The following ATP8A2 variants were observed in gnomAD, a reference collection of about 807,000 sequenced individuals.
The protein encoded by ATP8A2 is phospholipid-transporting ATPase IB.
A neutral mutation model predicts 165.6 loss-of-function variants in ATP8A2; 100 were observed. The observed-to-expected ratio is 0.60, with a 90% CI of 0.51 to 0.71. The LOEUF is 0.71. Among genes scored for constraint, ATP8A2 ranks in the 30% least tolerant of loss-of-function variants. The probability of loss-of-function intolerance (pLI) is 0.00; values close to 1 mark genes in which losing one functional copy is unlikely to be tolerated. For synonymous variants in ATP8A2, 543 were observed against 548.8 expected (o/e 0.99, Z 0.15); for missense variants, 1,227 against 1,479.5 (o/e 0.83, Z 2.80).
At chr13:25,586,644 G>A (rs576429234) in intron 23 of ATP8A2, among the ~76,000 whole-genome samples, 2 of 152,204 alleles carry the variant, frequency 1.3e-5, no homozygotes, top group Admixed American at 6.5e-5. Context: ...AAGCTATTGA[G>A]AACCAGTAAC....
intron 2 of ATP8A2, among the ~76,000 whole-genome samples, chr13:25,500,417 T>C (rs2036818171): frequency 6.6e-6 from 1 of 152,242 alleles, no homozygotes; most frequent in African/African-American, 2.4e-5. Flanking sequence ...AGGTTTTAAA[T>C]GTCTTAGTCA....
chr13:25,797,877 A>G (rs1336572187), intron 27 of ATP8A2, among the ~76,000 whole-genome samples: 2 of 152,088 alleles, frequency 1.3e-5, no homozygotes, highest in African/African-American at 4.8e-5. Context: ...GAAGGGAGAA[A>G]TTGTATAGAA....
intron 1 of ATP8A2, among the ~76,000 whole-genome samples, chr13:25,379,037 C>A (rs1327746722): frequency 1.3e-5 from 2 of 152,136 alleles, no homozygotes; most frequent in Non-Finnish European, 2.9e-5. Flanking sequence ...AGAAATACTC[C>A]AGATAGGAGA....
chr13:25,890,225 C>T (rs557395524), intron 33 of ATP8A2, among the ~76,000 whole-genome samples: 1 of 152,134 alleles, frequency 6.6e-6, no homozygotes, highest in Non-Finnish European at 1.5e-5. Context: ...ACCAAGGTTT[C>T]AATTCCAGCT....
intron 1 of ATP8A2, among the ~76,000 whole-genome samples, chr13:25,386,960 G>A (rs1447651421): frequency 8.8e-6 from 1 of 113,082 alleles, no homozygotes; most frequent in Non-Finnish European, 2.2e-5. Context: ...TCGCGCCCTT[G>A]CACTCCAGCC....
At chr13:25,660,827 T>A (rs116262985) in intron 24 of ATP8A2, among the ~76,000 whole-genome samples, 352 of 152,316 alleles carry the variant, frequency 2.3e-3, no homozygotes, top group African/African-American at 8.0e-3. Flanking sequence ...GAAATGCTGC[T>A]ACTGGGGATC....
chr13:25,513,865 G>A (rs190429046), intron 2 of ATP8A2, among the ~76,000 whole-genome samples: 1 of 152,280 alleles, frequency 6.6e-6, no homozygotes, highest in Non-Finnish European at 1.5e-5. Context: ...GCTGAGGCAG[G>A]ACAATCAGTC....
At chr13:25,910,685 G>C (rs1338785057) in intron 33 of ATP8A2, among the ~76,000 whole-genome samples, 2 of 152,128 alleles carry the variant, frequency 1.3e-5, no homozygotes, top group Admixed American at 6.6e-5. Flanking sequence ...TTGTTTTCCA[G>C]TTAGGAAAAC....
chr13:25,557,973 G>A (rs975606766), intron 13 of ATP8A2, among the ~76,000 whole-genome samples: 7 of 151,692 alleles, frequency 4.6e-5, no homozygotes, highest in East Asian at 1.9e-4. Context: ...GTGCGATCTC[G>A]GCTCACTGCA....
intron 1 of ATP8A2, among the ~76,000 whole-genome samples, chr13:25,458,987 A>G (rs1249392202): frequency 6.6e-6 from 1 of 152,168 alleles, no homozygotes; most frequent in Non-Finnish European, 1.5e-5. Context: ...ATGCCCTTTG[A>G]CAAAGCCAAG....
chr13:25,822,477 T>TAAGAAG (rs1367101469), intron 27 of ATP8A2, among the ~76,000 whole-genome samples: 1 of 152,222 alleles, frequency 6.6e-6, no homozygotes, highest in Non-Finnish European at 1.5e-5. Context: ...ACCCATCTGA[T>TAAGAAG]AAGAAAAACA....
At chr13:25,938,394 C>T (rs1339632203) in intron 33 of ATP8A2, among the ~76,000 whole-genome samples, 2 of 152,258 alleles carry the variant, frequency 1.3e-5, no homozygotes, top group South Asian at 4.1e-4. Context: ...GTTAATAAAA[C>T]GTTGAAGTCT....
chr13:25,823,160 C>T (rs1459959767), intron 27 of ATP8A2, among the ~76,000 whole-genome samples: 2 of 152,146 alleles, frequency 1.3e-5, no homozygotes, highest in Non-Finnish European at 2.9e-5. Context: ...TTGTGTTGGG[C>T]TTTGTAAATC....
At chr13:25,579,700 A>G (rs1160568713) in intron 21 of ATP8A2, 108 bp from the exon 22 acceptor site, 1 of 1,246,322 alleles carries the variant, frequency 8.0e-7, no homozygotes, top group African/African-American at 1.5e-5. Context: ...CCTAAAGCAC[A>G]GAGTCTCTTC....
At chr13:25,940,707 A>G (rs934991204) in intron 33 of ATP8A2, among the ~76,000 whole-genome samples, 3 of 152,138 alleles carry the variant, frequency 2.0e-5, no homozygotes, top group African/African-American at 7.2e-5. Flanking sequence ...CTGTGATCAC[A>G]TGCATCTCCA....
intron 27 of ATP8A2, among the ~76,000 whole-genome samples, chr13:25,785,394 A>T (rs930866961): frequency 1.3e-5 from 2 of 152,130 alleles, no homozygotes; most frequent in African/African-American, 4.8e-5. Flanking sequence ...AATAATTTTG[A>T]TTGAATTCTT....
At chr13:25,419,104 G>C (rs1430678766) in intron 1 of ATP8A2, among the ~76,000 whole-genome samples, 2 of 152,164 alleles carry the variant, frequency 1.3e-5, no homozygotes, top group African/African-American at 4.8e-5. Context: ...CACGTGTTGA[G>C]GAAAAGCTCC....
intron 1 of ATP8A2, among the ~76,000 whole-genome samples, chr13:25,425,766 C>T (rs1405639585): frequency 2.6e-5 from 4 of 151,988 alleles, no homozygotes; most frequent in East Asian, 3.9e-4. Flanking sequence ...TTAGTAGAGA[C>T]GGGGTTTCAC....
At chr13:25,806,116 T>C (rs1950733034) in intron 27 of ATP8A2, among the ~76,000 whole-genome samples, 1 of 152,128 alleles carries the variant, frequency 6.6e-6, no homozygotes, top group African/African-American at 2.4e-5. Context: ...TAGGGCAGCA[T>C]GTATCCTGAG....
Sources: gnomAD v4.1 joint callset for allele counts (sites outside exome capture counted in the v4.1 genomes callset) on GRCh38, gnomAD v4.1.1 for gene constraint, MANE v1.5 for transcripts, NCBI Gene and HGNC (gene_info 2026-07-23, HGNC 2026-07-21) for gene names.